The following ODR4 variants were observed in gnomAD, a reference collection of about 807,000 sequenced individuals.
ODR4 encodes protein odr-4 homolog.
In ODR4, 47 loss-of-function variants were observed where a neutral mutation model predicts 60.2. That is an observed-to-expected ratio of 0.78 (90% CI 0.62 to 1.00). The LOEUF (loss-of-function observed/expected upper bound fraction) is 1.00. Ranked by LOEUF, ODR4 falls within the 50% of genes least tolerant of loss-of-function variation. The probability of loss-of-function intolerance (pLI) is 0.00; values close to 1 mark genes in which losing one functional copy is unlikely to be tolerated. For synonymous variants in ODR4, 178 were observed against 175.5 expected (o/e 1.01, Z -0.11); for missense variants, 488 against 530.8 (o/e 0.92, Z 0.79).
chr1:186,397,107 T>C (rs137932379), intron 9 of ODR4, among the ~76,000 whole-genome samples: 73 of 152,362 alleles, frequency 4.8e-4, no homozygotes, highest in African/African-American at 1.6e-3. Context: ...AACAAGTCCT[T>C]GACCATCTTA....
At chr1:186,377,373 G>A (rs1224701955) in intron 1 of ODR4, among the ~76,000 whole-genome samples, 6 of 152,110 alleles carry the variant, frequency 3.9e-5, no homozygotes, top group Non-Finnish European at 5.9e-5. Flanking sequence ...AATTTTGAAA[G>A]AGCACTAAAG....
chr1:186,412,851 G>A (rs1190036007), intron 12 of ODR4, among the ~76,000 whole-genome samples: 1 of 151,974 alleles, frequency 6.6e-6, no homozygotes, highest in African/African-American at 2.4e-5. Context: ...ATAAATGGAG[G>A]ATGATATTAA....
At chr1:186,409,786 C>A (rs940954578) in intron 12 of ODR4, among the ~76,000 whole-genome samples, 2 of 152,102 alleles carry the variant, frequency 1.3e-5, no homozygotes, top group African/African-American at 4.8e-5. Context: ...CCTTGTGATC[C>A]GCCTGCCTCA....
chr1:186,398,810 G>T, intron 10 of ODR4, 144 bp from the exon 11 acceptor site: 1 of 562,490 alleles, frequency 1.8e-6, no homozygotes, highest in Admixed American at 3.6e-5. Flanking sequence ...TGCTAAATAA[G>T]TGGAAATAAA....
the ODR4 span, among the ~76,000 whole-genome samples, chr1:186,430,893 G>C: frequency 6.6e-6 from 1 of 150,416 alleles, no homozygotes; most frequent in African/African-American, 2.4e-5. Flanking sequence ...TCAGAAACAG[G>C]TTCAGGAAAG....
chr1:186,423,443 C>CTTTTTTTTTT (rs34515188), downstream of ODR4, among the ~76,000 whole-genome samples: 37 of 44,736 alleles, frequency 8.3e-4, 6 homozygotes, highest in African/African-American at 2.7e-3. Context: ...ACTACTTGTG[C>CTTTTTTTTTT]TTTTTTTTTT....
intron 12 of ODR4, chr1:186,411,774 T>C (rs1661390239): frequency 1.6e-6 from 1 of 632,274 alleles, no homozygotes; most frequent in Non-Finnish European, 2.0e-6. Flanking sequence ...ATTTAAAAAT[T>C]ATTTACTGTC....
chr1:186,421,442 G>A (rs1259359664), downstream of ODR4: 1 of 152,152 alleles, frequency 6.6e-6, no homozygotes, highest in African/African-American at 2.4e-5. Flanking sequence ...TGGCAGAAGG[G>A]TGATTGGAAT....
intron 3 of ODR4, among the ~76,000 whole-genome samples, chr1:186,384,885 A>G (rs1660194884): frequency 6.6e-6 from 1 of 152,122 alleles, no homozygotes; most frequent in South Asian, 2.1e-4. Flanking sequence ...CATGGTACCT[A>G]ATTTTCTAAG....
chr1:186,397,741 A>G (rs1472752137), intron 9 of ODR4, among the ~76,000 whole-genome samples: 1 of 152,204 alleles, frequency 6.6e-6, no homozygotes, highest in African/African-American at 2.4e-5. Context: ...TATTAAGATG[A>G]TGGGGTTGAA....
chr1:186,406,277 A>G lies in ODR4; in HGVS notation c.1186+9A>G. ...AGAGGAAACAAACACAGGTCATTAT[A>G]TGATGCTATTTAAGAACCTGGTTAG... On this transcript the variant is annotated intron_variant, in intron 12 of 13. Coordinates refer to ENST00000287859, the MANE Select transcript of ODR4 (RefSeq NM_017847.6). The G allele has an allele frequency of 6.4e-7, 1 of 1,568,946 alleles. No homozygotes were observed. Among genetic ancestry groups the G allele is most frequent in the South Asian group, 1.2e-5 (1 of 83,568 alleles).
intron 7 of ODR4, 104 bp from the exon 8 acceptor site, chr1:186,391,592 G>T: frequency 1.3e-6 from 1 of 755,764 alleles, no homozygotes. Flanking sequence ...TGAGATTTAG[G>T]GATTTTAATA....
chr1:186,425,941 G>T (rs1661873748), downstream of ODR4, among the ~76,000 whole-genome samples: 1 of 152,144 alleles, frequency 6.6e-6, no homozygotes, highest in Non-Finnish European at 1.5e-5. Flanking sequence ...CTCTTCTCCT[G>T]TTTGATGATA....
chr1:186,386,084 G>A lies in ODR4; in HGVS notation c.330+1G>A. On this transcript the variant is annotated splice_donor_variant, in intron 4 of 13. Coordinates refer to ENST00000287859, the MANE Select transcript of ODR4 (RefSeq NM_017847.6). LOFTEE classifies it high-confidence loss of function. ...TGATTTTCAAAATGCCCTGCGTAGA[G>A]TAAGTTTGATATATCGAAAATTCTT... 6.4e-7 allele frequency: 1 copy of A among 1,555,480 alleles called. No individual in the cohort carries two copies. Among genetic ancestry groups the A allele is most frequent in the Non-Finnish European group, 8.8e-7 (1 of 1,140,612 alleles).
At chr1:186,424,173 A>C (rs1278990713), downstream of ODR4, among the ~76,000 whole-genome samples, 1 of 152,204 alleles carries the variant, frequency 6.6e-6, no homozygotes, top group African/African-American at 2.4e-5. Flanking sequence ...TTGACAACAA[A>C]AAACAAATTA....
intron 11 of ODR4, among the ~76,000 whole-genome samples, chr1:186,402,238 T>TCTTTCCTTC (rs1558085289): frequency 6.9e-6 from 1 of 145,566 alleles, no homozygotes; most frequent in African/African-American, 2.5e-5. Context: ...TTCTTTCCTT[T>TCTTTCCTTC]CTTTCTTTCT....
chr1:186,401,143 G>T, intron 11 of ODR4: 1 of 1,596,168 alleles, frequency 6.3e-7, no homozygotes, highest in Non-Finnish European at 8.6e-7. Flanking sequence ...GGTATTATAT[G>T]GCTATCCTGG....
chr1:186,409,818 A>G (rs1425015335), intron 12 of ODR4, among the ~76,000 whole-genome samples: 6 of 152,210 alleles, frequency 3.9e-5, no homozygotes, highest in Non-Finnish European at 8.8e-5. Flanking sequence ...TGCTGGGATT[A>G]CAGGTGTTAG....
At chr1:186,422,273 A>T (rs1024411907), downstream of ODR4, among the ~76,000 whole-genome samples, 15 of 152,190 alleles carry the variant, frequency 9.9e-5, no homozygotes, top group Non-Finnish European at 1.8e-4. Context: ...GGATCAATTT[A>T]CTAGGTCTAT....
Sources: allele counts gnomAD v4.1 joint callset (sites outside exome capture counted in the v4.1 genomes callset), GRCh38; gene constraint gnomAD v4.1.1; transcripts MANE v1.5; gene names NCBI Gene and HGNC (gene_info 2026-07-23, HGNC 2026-07-21).